UPK3BL2: variants seen among roughly 807,000 people sequenced by gnomAD.
UPK3BL2 encodes uroplakin 3B like 2, also known as uroplakin-3b-like protein 2.
In UPK3BL2, 1 loss-of-function variant was observed where a neutral mutation model predicts 11.3. The observed-to-expected ratio is 0.09, with a 90% confidence interval of 0.03 to 0.42. UPK3BL2 has a LOEUF of 0.42. UPK3BL2 is among the 10% of genes least tolerant of loss of function. UPK3BL2 has a pLI of 0.98.
chr7:102,540,855 C>CAAAAAAAAA lies in UPK3BL2; in HGVS notation c.485+229_485+237dup, dbSNP rs1158192702. The stretch of plus-strand genomic sequence containing the variant: ...CAAGACTCCATCTCAAAAAACAAAA[C>CAAAAAAAAA]AAAAAAAAAAAAAAAAAAAAAGAAG... On this transcript the variant is annotated intron_variant, in intron 3 of 5. Transcript: ENST00000644544. Among the ~76,000 whole-genome samples the CAAAAAAAAA allele has an allele frequency of 1.7e-3, 102 of 61,270 alleles. 1 individual carries two copies. Among genetic ancestry groups the CAAAAAAAAA allele is most frequent in the African/African-American group, 2.0e-3 (42 of 20,794 alleles). The allele number at this position is 61,270 out of a possible 152,430, so 40.2% of individuals were successfully genotyped here.
intron 3 of UPK3BL2, among the ~76,000 whole-genome samples, chr7:102,540,860 A>AAAAC (rs1800230301): frequency 4.8e-4 from 30 of 62,462 alleles, no homozygotes; most frequent in African/African-American, 1.3e-3. Context: ...CAAAACAAAA[A>AAAAC]AAAAAAAAAA....
chr7:102,543,126 C>CTT (rs1409959123), intron 1 of UPK3BL2, among the ~76,000 whole-genome samples: 1 of 147,010 alleles, frequency 6.8e-6, no homozygotes, highest in Non-Finnish European at 1.5e-5. Flanking sequence ...TCCAGTTTTT[C>CTT]TTTTCTTTTC....
At chr7:102,542,776 T>A (rs1800326712) in intron 1 of UPK3BL2, 1 of 490,240 alleles carries the variant, frequency 2.0e-6, no homozygotes, top group African/African-American at 2.0e-5. Context: ...AAGGCGGGCA[T>A]ATCACGAGGT....
At chr7:102,540,886 G>GAAAAAAAAAAAAAA (rs374079023) in intron 3 of UPK3BL2, among the ~76,000 whole-genome samples, 1 of 73,324 alleles carries the variant, frequency 1.4e-5, no homozygotes, top group Admixed American at 1.5e-4. Context: ...AGAAGAAAAG[G>GAAAAAAAAAAAAAA]AAAAAAAAAA....
chr7:102,540,855 C>CAAAACAAAACAAAAAAAAAAA (rs1479651896), intron 3 of UPK3BL2, among the ~76,000 whole-genome samples: 1 of 61,266 alleles, frequency 1.6e-5, no homozygotes, highest in African/African-American at 4.8e-5. Context: ...AAAAACAAAA[C>CAAAACAAAACAAAAAAAAAAA]AAAAAAAAAA....
At chr7:102,542,998 GAAAA>G (rs536228128) in intron 1 of UPK3BL2, among the ~76,000 whole-genome samples, 3 of 116,596 alleles carry the variant, frequency 2.6e-5, no homozygotes, top group Non-Finnish European at 5.6e-5. Context: ...ACTCTGTCTC[GAAAA>G]AAAAAAAAAA....
rs1586802455 is a variant in UPK3BL2 at position 102,543,003 on chromosome 7, A to C, written c.112+522T>G. Among the ~76,000 whole-genome samples, 3 of 146,754 alleles carry C rather than the reference A, an allele frequency of 2.0e-5. No individual in the cohort carries two copies. The East Asian group carries it at 5.8e-4, about 29-fold the overall frequency. On this transcript the variant is annotated intron_variant, in intron 1 of 5. Transcript: ENST00000644544. ...ACAGTGGGAGACTCTGTCTCGAAAA[A>C]AAAAAAAAAAAAGAAAGAAAGAAAA...
Position 102,540,874 on chromosome 7 carries a change from AAAGAAGAAAAGG to A in UPK3BL2, c.485+207_485+218del, listed in dbSNP as rs1800235619. Among the ~76,000 whole-genome samples the A allele has an allele frequency of 1.4e-4, 17 of 119,600 alleles. No homozygotes were observed. The South Asian group carries it at 1.6e-3, about 11-fold the overall frequency. 78.5% of individuals were successfully genotyped at this position (119,600 alleles called of 152,430 possible). A position where few individuals can be genotyped will look rare whatever the true frequency, so the allele number is the denominator to read the frequency against. Reference sequence around the variant, plus strand: ...ACAAAACAAAAAAAAAAAAAAAAAAAAAGAAGAAAAGGAAAAAAAAAAAAAAGAGAAGAAGGA... The same window carrying A: ...ACAAAACAAAAAAAAAAAAAAAAAAAAAAAAAAAAAAAAAGAGAAGAAGGA... On this transcript the variant is annotated intron_variant, in intron 3 of 5. Transcript: ENST00000644544.
In UPK3BL2 at chr7:102,540,010, C is replaced by G; in HGVS notation, c.562+5G>C. 1.6e-6 allele frequency: 2 copies of G among 1,269,298 alleles called. No individual in the cohort carries two copies. The highest frequency in any genetic ancestry group is 2.2e-6 in the Non-Finnish European group (2 of 924,208). 78.6% of individuals were successfully genotyped at this position (1,269,298 alleles called of 1,614,324 possible). A position where few individuals can be genotyped will look rare whatever the true frequency, so the allele number is the denominator to read the frequency against. On this transcript the variant is annotated splice_donor_5th_base_variant and intron_variant, in intron 4 of 5. Transcript: ENST00000644544. ...TACTGTTTGACCGGAGCCTCTGGCC[C>G]CTACCTTGCTGCAGGCGAGTGTCGC...
rs1158192702 is a variant in UPK3BL2 at position 102,540,855 on chromosome 7, C to CAAA, written c.485+235_485+237dup. Among the ~76,000 whole-genome samples, 232 of 61,260 alleles carry CAAA rather than the reference C, an allele frequency of 3.8e-3. 1 individual carries two copies. The highest frequency in any genetic ancestry group is 6.2e-3 in the Admixed American group (29 of 4,644). The allele number at this position is 61,260 out of a possible 152,430, so 40.2% of individuals were successfully genotyped here. ...CAAGACTCCATCTCAAAAAACAAAA[C>CAAA]AAAAAAAAAAAAAAAAAAAAAGAAG... On this transcript the variant is annotated intron_variant, in intron 3 of 5. Coordinates refer to ENST00000644544, the Ensembl canonical transcript of UPK3BL2.
chr7:102,542,999 A>G (rs71225325), intron 1 of UPK3BL2, among the ~76,000 whole-genome samples: 3,772 of 88,454 alleles, frequency 0.043, 8 homozygotes, highest in Middle Eastern at 0.06. Context: ...CTCTGTCTCG[A>G]AAAAAAAAAA....
At chr7:102,543,101 G>A (rs1800342400) in intron 1 of UPK3BL2, among the ~76,000 whole-genome samples, 1 of 149,470 alleles carries the variant, frequency 6.7e-6, no homozygotes, top group Non-Finnish European at 1.5e-5. Flanking sequence ...TTGTAGGACT[G>A]TATCTCTCAG....
chr7:102,540,855 C>CAAAAAAAAACAAAAAAAA (rs1800227070), intron 3 of UPK3BL2, among the ~76,000 whole-genome samples: 6 of 61,252 alleles, frequency 9.8e-5, no homozygotes, highest in African/African-American at 2.9e-4. Context: ...AAAAACAAAA[C>CAAAAAAAAACAAAAAAAA]AAAAAAAAAA....
chr7:102,540,855 C>CAAAAAAA (rs1158192702), intron 3 of UPK3BL2, among the ~76,000 whole-genome samples: 75 of 61,268 alleles, frequency 1.2e-3, no homozygotes, highest in Non-Finnish European at 1.6e-3. Context: ...AAAAACAAAA[C>CAAAAAAA]AAAAAAAAAA....
At chr7:102,540,864 A>C (rs1415559201) in intron 3 of UPK3BL2, among the ~76,000 whole-genome samples, 100 of 130,688 alleles carry the variant, frequency 7.7e-4, no homozygotes, top group African/African-American at 2.4e-3. Flanking sequence ...ACAAAAAAAA[A>C]AAAAAAAAAA....
At position 102,538,527 on chromosome 7, in the gene UPK3BL2, T is replaced by C; in HGVS notation, c.684-2A>G. 4.6e-6 allele frequency: 1 copy of C among 215,644 alleles called. No homozygotes were observed. The allele number at this position is 215,644 out of a possible 1,614,324, so 13.4% of individuals were successfully genotyped here. ...GAAGTGCTCCTGCAGCTGTTGAAGCTTGGGAGGGGAGGAGAGAGGGAGAGA... is the reference window on the plus strand; with the variant it reads ...GAAGTGCTCCTGCAGCTGTTGAAGCCTGGGAGGGGAGGAGAGAGGGAGAGA... On this transcript the variant is annotated splice_acceptor_variant, in intron 5 of 5. Coordinates refer to ENST00000644544, the Ensembl canonical transcript of UPK3BL2. LOFTEE classifies it high-confidence loss of function.
At chr7:102,540,855 C>CAAAACAAAACAA (rs1479651896) in intron 3 of UPK3BL2, among the ~76,000 whole-genome samples, 11 of 61,284 alleles carry the variant, frequency 1.8e-4, no homozygotes, top group Non-Finnish European at 3.4e-4. Flanking sequence ...AAAAACAAAA[C>CAAAACAAAACAA]AAAAAAAAAA....
intron 3 of UPK3BL2, among the ~76,000 whole-genome samples, chr7:102,540,857 A>AAAAAAC (rs1800229161): frequency 3.3e-5 from 3 of 92,288 alleles, no homozygotes; most frequent in African/African-American, 4.9e-5. Flanking sequence ...AAACAAAACA[A>AAAAAAC]AAAAAAAAAA....
At chr7:102,543,681 CCT>C (rs755601436) in exon 1 of UPK3BL2, 2,914 of 48,550 alleles carry the variant, frequency 0.06, no homozygotes, top group African/African-American at 0.14. Flanking sequence ...CAGAGGCTCC[CCT>C]GTCTGTAGTC....
Sources: allele counts gnomAD v4.1 joint callset (sites outside exome capture counted in the v4.1 genomes callset), GRCh38; gene constraint gnomAD v4.1.1; transcripts MANE v1.5; gene names NCBI Gene and HGNC (gene_info 2026-07-23, HGNC 2026-07-21).